Variants in NYAP2 observed in about 807,000 individuals in gnomAD.
NYAP2 encodes neuronal tyrosine-phosphorylated phosphoinositide-3-kinase adaptor 2.
Under a neutral mutation model 50.4 loss-of-function variants are expected in NYAP2, and 23 were observed. The ratio of observed to expected loss-of-function variants is 0.46; its 90% confidence interval spans 0.33 to 0.65. The LOEUF (loss-of-function observed/expected upper bound fraction) is 0.65, where lower values mean the gene tolerates loss of function less well. NYAP2 is among the 30% of genes least tolerant of loss of function. The pLI, the probability that NYAP2 is intolerant of heterozygous loss-of-function variation, is 0.02. For missense variants in NYAP2, 885 were observed against 861.0 expected, an observed-to-expected ratio of 1.03 and a Z score of -0.35; for synonymous variants, 394 against 365.2, an observed-to-expected ratio of 1.08 and a Z score of -0.90.
At chr2:225,398,121 G>A (rs1694801752), upstream of NYAP2, among the ~76,000 whole-genome samples, 1 of 151,906 alleles carries the variant, frequency 6.6e-6, no homozygotes, top group African/African-American at 2.4e-5. Context: ...CTGTATGTCA[G>A]CCTCTCCTCA....
At chr2:225,500,467 A>G (rs1245359333) in intron 3 of NYAP2, among the ~76,000 whole-genome samples, 1 of 152,190 alleles carries the variant, frequency 6.6e-6, no homozygotes, top group Non-Finnish European at 1.5e-5. Flanking sequence ...TTTCATCTTC[A>G]TGACTCTGTT....
intron 3 of NYAP2, among the ~76,000 whole-genome samples, chr2:225,480,811 G>A (rs569827964): frequency 3.9e-5 from 6 of 152,004 alleles, no homozygotes; most frequent in African/African-American, 1.4e-4. Flanking sequence ...TTATATAAAT[G>A]GTTTTTACAT....
intron 6 of NYAP2, among the ~76,000 whole-genome samples, chr2:225,629,235 T>G (rs1177057518): frequency 6.6e-6 from 1 of 152,146 alleles, no homozygotes; most frequent in African/African-American, 2.4e-5. Context: ...AAGACAGATG[T>G]CCCAGCTCAA....
intron 2 of NYAP2, among the ~76,000 whole-genome samples, chr2:225,402,897 C>T (rs1694886878): frequency 6.6e-6 from 1 of 151,958 alleles, no homozygotes; most frequent in South Asian, 2.1e-4. Context: ...ACATGGTTTA[C>T]ATGTGTTATG....
intron 6 of NYAP2, among the ~76,000 whole-genome samples, chr2:225,638,114 A>T (rs1693454292): frequency 6.6e-6 from 1 of 151,738 alleles, no homozygotes; most frequent in Non-Finnish European, 1.5e-5. Context: ...AATTTTAAAT[A>T]GACTCTAGAT....
intron 3 of NYAP2, among the ~76,000 whole-genome samples, chr2:225,512,778 TTTTCCCTC>T (rs1242812397): frequency 7.0e-6 from 1 of 143,448 alleles, no homozygotes; most frequent in South Asian, 2.2e-4. Context: ...CTTTTTCTCT[TTTTCCCTC>T]TTTCCCTCCC....
At chr2:225,413,117 T>C (rs933614562) in intron 3 of NYAP2, among the ~76,000 whole-genome samples, 5 of 152,152 alleles carry the variant, frequency 3.3e-5, no homozygotes, top group Non-Finnish European at 5.9e-5. Flanking sequence ...AACATATTTT[T>C]CTAGAATTTT....
intron 5 of NYAP2, among the ~76,000 whole-genome samples, chr2:225,595,792 T>C (rs1692586435): frequency 1.3e-5 from 2 of 152,156 alleles, no homozygotes; most frequent in Admixed American, 1.3e-4. Context: ...GCCATAGTTC[T>C]CCATTTAGCT....
intron 4 of NYAP2, among the ~76,000 whole-genome samples, chr2:225,552,841 C>T (rs1365301952): frequency 1.3e-5 from 2 of 152,178 alleles, no homozygotes; most frequent in Non-Finnish European, 2.9e-5. Context: ...GCACCTGCCA[C>T]CACACCTGAC....
At chr2:225,676,907 A>G in the NYAP2 span, among the ~76,000 whole-genome samples, 1 of 152,200 alleles carries the variant, frequency 6.6e-6, no homozygotes, top group South Asian at 2.1e-4. Flanking sequence ...TTGGTTCCAA[A>G]TGAATTTTAG....
intron 3 of NYAP2, among the ~76,000 whole-genome samples, chr2:225,420,412 A>G (rs1325541942): frequency 6.6e-6 from 1 of 152,168 alleles, no homozygotes; most frequent in Non-Finnish European, 1.5e-5. Context: ...ACTAAAACCT[A>G]AAATAATTTT....
intron 6 of NYAP2, among the ~76,000 whole-genome samples, chr2:225,636,295 T>G (rs1462475063): frequency 6.6e-6 from 1 of 152,192 alleles, no homozygotes; most frequent in Non-Finnish European, 1.5e-5. Flanking sequence ...GGAGTGTGGA[T>G]AAAAACTTTG....
intron 4 of NYAP2, among the ~76,000 whole-genome samples, chr2:225,547,556 C>T (rs189234585): frequency 9.4e-4 from 143 of 152,262 alleles, no homozygotes; most frequent in African/African-American, 2.9e-3. Flanking sequence ...GGGCATCAGC[C>T]GAGTTTAGCC....
At chr2:225,610,755 C>T (rs1226566517) in intron 5 of NYAP2, among the ~76,000 whole-genome samples, 1 of 152,042 alleles carries the variant, frequency 6.6e-6, no homozygotes, top group Non-Finnish European at 1.5e-5. Context: ...TGGAATTGTT[C>T]TTGAAATGGG....
At chr2:225,548,113 A>C (rs1254398558) in intron 4 of NYAP2, among the ~76,000 whole-genome samples, 2 of 152,020 alleles carry the variant, frequency 1.3e-5, no homozygotes, top group African/African-American at 4.8e-5. Flanking sequence ...CAACTTAAAC[A>C]TGTTACTAGT....
intron 2 of NYAP2, among the ~76,000 whole-genome samples, chr2:225,405,983 C>G (rs544280257): frequency 6.6e-6 from 1 of 151,864 alleles, no homozygotes; most frequent in Admixed American, 6.6e-5. Flanking sequence ...AAATATAATT[C>G]TAGCCACATT....
At chr2:225,534,851 A>G (rs1329964327) in intron 4 of NYAP2, among the ~76,000 whole-genome samples, 1 of 152,236 alleles carries the variant, frequency 6.6e-6, no homozygotes, top group Non-Finnish European at 1.5e-5. Flanking sequence ...GCTGAGTCAG[A>G]GTAGCCTCTG....
chr2:225,459,643 T>A (rs1358726309), intron 3 of NYAP2, among the ~76,000 whole-genome samples: 2 of 151,708 alleles, frequency 1.3e-5, no homozygotes, highest in African/African-American at 2.4e-5. Flanking sequence ...TATTTATTTA[T>A]TTTATTTATT....
chr2:225,546,264 T>A (rs938334012), intron 4 of NYAP2, among the ~76,000 whole-genome samples: 2 of 152,184 alleles, frequency 1.3e-5, no homozygotes, highest in African/African-American at 2.4e-5. Flanking sequence ...CGTCCTTCCC[T>A]TCAGGGCGAC....
Sources: gnomAD v4.1 joint callset for allele counts (sites outside exome capture counted in the v4.1 genomes callset) on GRCh38, gnomAD v4.1.1 for gene constraint, MANE v1.5 for transcripts, NCBI Gene and HGNC (gene_info 2026-07-23, HGNC 2026-07-21) for gene names.